MACROD2: variants seen among roughly 807,000 people sequenced by gnomAD.
MACROD2 encodes ADP-ribose glycohydrolase MACROD2.
MACROD2 carries 36 observed loss-of-function variants against 70.4 expected under a neutral mutation model. That is an observed-to-expected ratio of 0.51 (90% CI 0.39 to 0.68). The LOEUF is 0.68. Ranked by LOEUF, MACROD2 falls within the 30% of genes least tolerant of loss-of-function variation. The probability of loss-of-function intolerance (pLI) is 0.00; values close to 1 mark genes in which losing one functional copy is unlikely to be tolerated. For synonymous variants in MACROD2, 172 were observed against 178.8 expected, an observed-to-expected ratio of 0.96 and a Z score of 0.30; for missense variants, 496 against 538.4, an observed-to-expected ratio of 0.92 and a Z score of 0.78.
At chr20:14,547,862 G>A (rs983652351) in intron 4 of MACROD2, among the ~76,000 whole-genome samples, 7 of 152,042 alleles carry the variant, frequency 4.6e-5, no homozygotes, top group Admixed American at 1.3e-4. Context: ...TTTTTCCAGC[G>A]TCTCCTCTGT....
chr20:14,864,523 A>G (rs2073406727), intron 5 of MACROD2, among the ~76,000 whole-genome samples: 1 of 152,140 alleles, frequency 6.6e-6, no homozygotes, highest in Non-Finnish European at 1.5e-5. Flanking sequence ...CAAATCTACT[A>G]TTAAATTTTG....
intron 5 of MACROD2, among the ~76,000 whole-genome samples, chr20:15,075,567 A>G (rs933330836): frequency 6.6e-6 from 1 of 152,184 alleles, no homozygotes; most frequent in Non-Finnish European, 1.5e-5. Flanking sequence ...CTATAACATC[A>G]TCTTCAATAT....
intron 5 of MACROD2, among the ~76,000 whole-genome samples, chr20:15,228,593 G>T (rs1044256982): frequency 6.7e-6 from 1 of 148,992 alleles, no homozygotes; most frequent in East Asian, 2.0e-4. Flanking sequence ...TGGTTCAAGC[G>T]ATTCTCCTGC....
intron 4 of MACROD2, among the ~76,000 whole-genome samples, chr20:14,602,709 A>T (rs112543912): frequency 0.024 from 3,611 of 152,284 alleles, 62 homozygotes; most frequent in Admixed American, 0.037. Flanking sequence ...TCTCCTCTTT[A>T]TAAGTTTTCT....
At chr20:15,199,733 TTTA>T (rs1568631692) in intron 5 of MACROD2, among the ~76,000 whole-genome samples, 2 of 152,234 alleles carry the variant, frequency 1.3e-5, no homozygotes, top group Admixed American at 1.3e-4. Flanking sequence ...TTCATGCTGT[TTTA>T]AAGTTTGTTA....
chr20:15,284,225 C>A (rs2077471671), intron 6 of MACROD2, among the ~76,000 whole-genome samples: 1 of 152,132 alleles, frequency 6.6e-6, no homozygotes, highest in Admixed American at 6.5e-5. Context: ...CTCCCTGTAT[C>A]ATCGCTATGA....
rs539256898 is a variant in MACROD2 at position 15,744,905 on chromosome 20, T to A, written c.646-117840T>A. Among the ~76,000 whole-genome samples the A allele has an allele frequency of 3.3e-5, 5 of 152,130 alleles. No homozygotes were observed. The South Asian group carries it at 6.2e-4, about 19-fold the overall frequency. ...AGCGTGCAGGTTTCTTACATATGTA[T>A]AAATGTGAGTTGTATCTCTTTTTGA... On this transcript the variant is annotated intron_variant, in intron 8 of 17. Coordinates refer to ENST00000684519, the MANE Select transcript of MACROD2 (RefSeq NM_001351661.2).
intron 8 of MACROD2, among the ~76,000 whole-genome samples, chr20:15,527,517 C>T: frequency 6.6e-6 from 1 of 152,144 alleles, no homozygotes; most frequent in Non-Finnish European, 1.5e-5. Context: ...CCTGCTACCA[C>T]CCGAAGTCAC....
intron 6 of MACROD2, among the ~76,000 whole-genome samples, chr20:15,278,490 C>T (rs1338788327): frequency 2.0e-5 from 3 of 152,186 alleles, no homozygotes; most frequent in East Asian, 3.9e-4. Context: ...TTCACTAGCC[C>T]TGAGTCGTTG....
chr20:14,130,529 G>C (rs1306413035), intron 3 of MACROD2, among the ~76,000 whole-genome samples: 1 of 152,082 alleles, frequency 6.6e-6, no homozygotes, highest in Non-Finnish European at 1.5e-5. Context: ...AGGCAACAGA[G>C]TGAGACTCTG....
intron 3 of MACROD2, chr20:14,128,191 C>A (rs959016632): frequency 1.3e-5 from 5 of 393,860 alleles, no homozygotes; most frequent in African/African-American, 1.0e-4. Flanking sequence ...CAACAAGGAA[C>A]CAAATCCTAA....
chr20:15,018,677 C>T (rs1307679288), intron 5 of MACROD2, among the ~76,000 whole-genome samples: 2 of 152,044 alleles, frequency 1.3e-5, no homozygotes, highest in Non-Finnish European at 2.9e-5. Context: ...CTAGGCCCGT[C>T]TCTCCTTTTC....
intron 2 of MACROD2, among the ~76,000 whole-genome samples, chr20:14,016,387 C>T (rs999943808): frequency 3.9e-5 from 6 of 152,176 alleles, no homozygotes; most frequent in South Asian, 4.1e-4. Context: ...TTAATAGTGT[C>T]CTTTGATTGA....
At chr20:15,948,542 A>C (rs2065861347) in intron 12 of MACROD2, among the ~76,000 whole-genome samples, 1 of 151,234 alleles carries the variant, frequency 6.6e-6, no homozygotes, top group African/African-American at 2.5e-5. Context: ...CTTGTTTCAG[A>C]AGTAAATTTT....
chr20:14,374,164 A>G (rs1275932853), intron 3 of MACROD2, among the ~76,000 whole-genome samples: 1 of 152,186 alleles, frequency 6.6e-6, no homozygotes, highest in African/African-American at 2.4e-5. Flanking sequence ...CAACTTCTTT[A>G]GAGCTTAATG....
intron 10 of MACROD2, among the ~76,000 whole-genome samples, chr20:15,909,724 C>T (rs1314974669): frequency 5.9e-5 from 9 of 151,904 alleles, no homozygotes; most frequent in African/African-American, 7.2e-5. Flanking sequence ...GGGGTTTCAC[C>T]GTTTTAGCCG....
At chr20:15,107,211 T>C (rs2075917586) in intron 5 of MACROD2, among the ~76,000 whole-genome samples, 1 of 151,904 alleles carries the variant, frequency 6.6e-6, no homozygotes, top group African/African-American at 2.4e-5. Flanking sequence ...TTCTCCCTGC[T>C]TTATGACACT....
At chr20:14,068,331 A>G (rs1601182855) in intron 2 of MACROD2, among the ~76,000 whole-genome samples, 2 of 151,974 alleles carry the variant, frequency 1.3e-5, no homozygotes, top group Middle Eastern at 3.4e-3. Context: ...AAATCAAGGA[A>G]ACCTTCATAT....
At chr20:15,055,280 A>G (rs1203878297) in intron 5 of MACROD2, among the ~76,000 whole-genome samples, 1 of 152,098 alleles carries the variant, frequency 6.6e-6, no homozygotes, top group African/African-American at 2.4e-5. Context: ...AAGATATATA[A>G]TGTAAATTTT....
Sources: gnomAD v4.1 joint callset for allele counts (sites outside exome capture counted in the v4.1 genomes callset) on GRCh38, gnomAD v4.1.1 for gene constraint, MANE v1.5 for transcripts, NCBI Gene and HGNC (gene_info 2026-07-23, HGNC 2026-07-21) for gene names.